The following PTPRT variants were observed in gnomAD, a reference collection of about 807,000 sequenced individuals.
The protein encoded by PTPRT is protein tyrosine phosphatase receptor type T.
A neutral mutation model predicts 176.8 loss-of-function variants in PTPRT; 56 were observed. The ratio of observed to expected loss-of-function variants is 0.32; its 90% CI spans 0.26 to 0.40. The LOEUF (loss-of-function observed/expected upper bound fraction) is 0.40. PTPRT is among the 10% of genes least tolerant of loss of function. The pLI is 1.00. For missense variants in PTPRT, 1,540 were observed against 1,908.2 expected (o/e 0.81, Z 3.60); for synonymous variants, 783 against 739.0 (o/e 1.06, Z -0.96).
At chr20:42,438,338 C>A (rs1601025093) in intron 9 of PTPRT, among the ~76,000 whole-genome samples, 1 of 152,136 alleles carries the variant, frequency 6.6e-6, no homozygotes, top group East Asian at 1.9e-4. Context: ...GGCAGACGTT[C>A]ATGTTAAACA....
chr20:43,186,176 C>T (rs2015385434), intron 1 of PTPRT, among the ~76,000 whole-genome samples: 1 of 152,194 alleles, frequency 6.6e-6, no homozygotes, highest in Admixed American at 6.5e-5. Flanking sequence ...TATAATTATC[C>T]TCACTTTACA....
At chr20:42,831,988 A>G (rs995386543) in intron 2 of PTPRT, among the ~76,000 whole-genome samples, 1 of 152,256 alleles carries the variant, frequency 6.6e-6, no homozygotes, top group Non-Finnish European at 1.5e-5. Context: ...AAAGAGCTAA[A>G]AAGAGAACTA....
chr20:43,168,680 C>A (rs1333657807), intron 1 of PTPRT, among the ~76,000 whole-genome samples: 2 of 152,148 alleles, frequency 1.3e-5, no homozygotes, highest in Non-Finnish European at 1.5e-5. Flanking sequence ...CTTGGCCACA[C>A]CTGCAAACCA....
At chr20:42,944,351 C>T (rs181711481) in intron 1 of PTPRT, among the ~76,000 whole-genome samples, 5 of 152,318 alleles carry the variant, frequency 3.3e-5, no homozygotes, top group South Asian at 2.1e-4. Context: ...ATCCCACTCA[C>T]GAAGCTCTCC....
intron 1 of PTPRT, among the ~76,000 whole-genome samples, chr20:43,173,662 T>C (rs532196816): frequency 6.6e-6 from 1 of 152,314 alleles, no homozygotes; most frequent in African/African-American, 2.4e-5. Flanking sequence ...TGGGGTTTGG[T>C]ATACGGCACC....
At chr20:42,681,192 A>G (rs1172681852) in intron 6 of PTPRT, among the ~76,000 whole-genome samples, 1 of 152,188 alleles carries the variant, frequency 6.6e-6, no homozygotes, top group Non-Finnish European at 1.5e-5. Flanking sequence ...GCAGTTCTCT[A>G]TCTCTAAGAT....
intron 9 of PTPRT, among the ~76,000 whole-genome samples, chr20:42,364,471 A>G (rs1040415926): frequency 2.0e-5 from 3 of 152,106 alleles, no homozygotes; most frequent in African/African-American, 7.2e-5. Flanking sequence ...AGGTTTTGTA[A>G]AGCCTATTTT....
At chr20:42,754,336 C>A (rs569177232) in intron 6 of PTPRT, among the ~76,000 whole-genome samples, 1 of 152,308 alleles carries the variant, frequency 6.6e-6, no homozygotes, top group African/African-American at 2.4e-5. Flanking sequence ...GAGGCACGAG[C>A]CACCACACCC....
At chr20:42,067,920 A>G (rs1283333475), downstream of PTPRT, among the ~76,000 whole-genome samples, 2 of 152,232 alleles carry the variant, frequency 1.3e-5, no homozygotes, top group Non-Finnish European at 2.9e-5. Context: ...GATTCCAGGA[A>G]GCAATGAGAA....
chr20:42,065,783 G>A, the PTPRT span, among the ~76,000 whole-genome samples: 1 of 152,196 alleles, frequency 6.6e-6, no homozygotes, highest in Non-Finnish European at 1.5e-5. Context: ...ATGCCAAGAA[G>A]GAGTGGAGAA....
intron 11 of PTPRT, among the ~76,000 whole-genome samples, chr20:42,323,356 A>T (rs1232285734): frequency 1.3e-5 from 2 of 152,186 alleles, no homozygotes; most frequent in Non-Finnish European, 2.9e-5. Flanking sequence ...ACTCGGAACC[A>T]ACCCAAATGT....
In PTPRT at chr20:42,355,181, C is replaced by T. The variant is rs560653585; in HGVS notation, c.1561-2896G>A. On this transcript the variant is annotated intron_variant, in intron 9 of 30. Coordinates refer to ENST00000373187, the MANE Select transcript of PTPRT (RefSeq NM_007050.6). ...GGAGTTGATGCATACATTCTCCAGGCTCCCCTTCCTTATACCCCTGCAAGC... is the reference window on the plus strand; with the variant it reads ...GGAGTTGATGCATACATTCTCCAGGTTCCCCTTCCTTATACCCCTGCAAGC... 8.5e-5 allele frequency among the ~76,000 whole-genome samples: 13 copies of T among 152,252 alleles called. No individual in the cohort carries two copies. The East Asian group carries it at 2.5e-3, about 29-fold the overall frequency.
chr20:43,085,191 T>C (rs574768159), intron 1 of PTPRT, among the ~76,000 whole-genome samples: 1 of 152,152 alleles, frequency 6.6e-6, no homozygotes, highest in Non-Finnish European at 1.5e-5. Flanking sequence ...GAGGCATGGA[T>C]GCACAGCTGT....
chr20:42,503,053 C>G (rs1041385893), intron 7 of PTPRT, among the ~76,000 whole-genome samples: 3 of 151,906 alleles, frequency 2.0e-5, no homozygotes, highest in Admixed American at 2.0e-4. Context: ...CTCTTTTATT[C>G]CTAACAATTT....
At chr20:42,384,695 A>T (rs1402372449) in intron 9 of PTPRT, among the ~76,000 whole-genome samples, 1 of 152,080 alleles carries the variant, frequency 6.6e-6, no homozygotes, top group Non-Finnish European at 1.5e-5. Context: ...CTATTTTTTC[A>T]TAGCTCCATT....
At chr20:42,550,159 C>T (rs2072742447) in intron 7 of PTPRT, among the ~76,000 whole-genome samples, 1 of 152,154 alleles carries the variant, frequency 6.6e-6, no homozygotes, top group South Asian at 2.1e-4. Context: ...TCCATGTTAT[C>T]CTGATAGGTT....
chr20:43,035,272 G>A (rs1986329330), intron 1 of PTPRT, among the ~76,000 whole-genome samples: 1 of 150,548 alleles, frequency 6.6e-6, no homozygotes, highest in Non-Finnish European at 1.5e-5. Context: ...GTGGATCCAG[G>A]CCTTACCAAG....
At chr20:43,032,596 C>G (rs1568743848) in intron 1 of PTPRT, among the ~76,000 whole-genome samples, 1 of 151,520 alleles carries the variant, frequency 6.6e-6, no homozygotes, top group Non-Finnish European at 1.5e-5. Context: ...ACTTGATAAA[C>G]AGAGGAAAGC....
intron 1 of PTPRT, among the ~76,000 whole-genome samples, chr20:43,140,428 A>G (rs1236576805): frequency 6.7e-6 from 1 of 150,304 alleles, no homozygotes; most frequent in Non-Finnish European, 1.5e-5. Context: ...GACAAGAGTT[A>G]GCAAACCTCT....
Sources: allele counts gnomAD v4.1 joint callset (sites outside exome capture counted in the v4.1 genomes callset), GRCh38; gene constraint gnomAD v4.1.1; transcripts MANE v1.5; gene names NCBI Gene and HGNC (gene_info 2026-07-23, HGNC 2026-07-21).